Variants in MGLL observed in about 807,000 individuals in gnomAD.
MGLL encodes lysophospholipase homolog.
Under a neutral mutation model 29.1 loss-of-function variants are expected in MGLL, and 7 were observed. The ratio of observed to expected loss-of-function variants is 0.24; its 90% CI spans 0.14 to 0.45. The LOEUF (loss-of-function observed/expected upper bound fraction) is 0.45, where lower values mean the gene tolerates loss of function less well. Among genes scored for constraint, MGLL ranks in the 20% least tolerant of loss-of-function variants. MGLL has a pLI of 0.99. For synonymous variants in MGLL, 148 were observed against 168.3 expected (o/e 0.88, Z 0.93); for missense variants, 356 against 413.6 (o/e 0.86, Z 1.21).
rs187829466 is a variant in MGLL at position 127,763,189 on chromosome 3, C to T, written c.262+18600G>A. Among the ~76,000 whole-genome samples, 17 of 151,878 alleles carry T rather than the reference C, an allele frequency of 1.1e-4. No individual in the cohort carries two copies. In the East Asian group the frequency reaches 1.8e-3, roughly 16 times the overall value. On this transcript the variant is annotated intron_variant, in intron 3 of 7. Coordinates refer to ENST00000265052, the MANE Select transcript of MGLL (RefSeq NM_007283.7). ...GTGGATTCATAGGATGTCAGGTGTG[C>T]GGTGAGTGTGCAGGCTGCCCCAGCA... is the stretch of plus-strand genomic sequence containing the variant.
At chr3:127,739,220 G>T (rs1202676984) in intron 3 of MGLL, among the ~76,000 whole-genome samples, 1 of 152,324 alleles carries the variant, frequency 6.6e-6, no homozygotes, top group East Asian at 1.9e-4. Context: ...TCCACCACAG[G>T]GAGGCCTCTT....
At chr3:127,733,044 A>G (rs577289087) in intron 3 of MGLL, among the ~76,000 whole-genome samples, 1 of 152,304 alleles carries the variant, frequency 6.6e-6, no homozygotes, top group East Asian at 1.9e-4. Context: ...GCATTCCCAG[A>G]CGGTTGAGGT....
Position 127,750,377 on chromosome 3 carries a change from C to T in MGLL, c.263-27811G>A, listed in dbSNP as rs1026892034. On this transcript the variant is annotated intron_variant, in intron 3 of 7. Coordinates refer to ENST00000265052, the MANE Select transcript of MGLL (RefSeq NM_007283.7). ...GGCAGGCCACGTGCCTCTTCATCTGCGCAGCCAAGGAGACGGTCTCCACAT... is the reference window on the plus strand; with the variant it reads ...GGCAGGCCACGTGCCTCTTCATCTGTGCAGCCAAGGAGACGGTCTCCACAT... 3.9e-5 allele frequency among the ~76,000 whole-genome samples: 6 copies of T among 152,282 alleles called. No homozygotes were observed. In the East Asian group the frequency reaches 7.7e-4, roughly 20 times the overall value.
chr3:127,707,123 G>A (rs1015484359), intron 6 of MGLL, among the ~76,000 whole-genome samples: 3 of 152,174 alleles, frequency 2.0e-5, no homozygotes, highest in African/African-American at 7.2e-5. Context: ...TAGCAGATGC[G>A]CAGGAAGGGC....
intron 5 of MGLL, among the ~76,000 whole-genome samples, chr3:127,718,271 T>C (rs2075854249): frequency 6.6e-6 from 1 of 152,122 alleles, no homozygotes; most frequent in African/African-American, 2.4e-5. Context: ...GCTGGGAAAC[T>C]GTTGAATGGC....
chr3:127,706,934 C>T (rs1439139814), intron 6 of MGLL, among the ~76,000 whole-genome samples: 3 of 152,132 alleles, frequency 2.0e-5, no homozygotes, highest in Non-Finnish European at 1.5e-5. Context: ...CTTCCGAGGG[C>T]CTCTGGGCAG....
intron 6 of MGLL, among the ~76,000 whole-genome samples, chr3:127,695,981 C>T (rs914999541): frequency 6.6e-6 from 1 of 152,168 alleles, no homozygotes; most frequent in African/African-American, 2.4e-5. Flanking sequence ...AGCGAGGGCC[C>T]ATGCTAGGAG....
intron 6 of MGLL, among the ~76,000 whole-genome samples, chr3:127,706,970 AG>A (rs564852329): frequency 1.8e-3 from 273 of 152,300 alleles, no homozygotes; most frequent in African/African-American, 6.1e-3. Flanking sequence ...GGCAGGCAAC[AG>A]GGGGACCTGG....
At chr3:127,822,111 AG>A (rs1221153628) in intron 1 of MGLL, 197 bp downstream of exon 1, 29 of 688,578 alleles carry the variant, frequency 4.2e-5, no homozygotes, top group Admixed American at 9.1e-5. Context: ...AAATCATTTC[AG>A]GAAACTTCAT....
chr3:127,789,913 C>A (rs894796081), intron 2 of MGLL, among the ~76,000 whole-genome samples: 15 of 152,186 alleles, frequency 9.9e-5, no homozygotes, highest in Non-Finnish European at 1.3e-4. Context: ...ACTTTGCATC[C>A]AGCATATTTT....
chr3:127,692,942 C>G (rs1009580860), intron 7 of MGLL, among the ~76,000 whole-genome samples: 5 of 152,190 alleles, frequency 3.3e-5, no homozygotes, highest in Admixed American at 2.0e-4. Flanking sequence ...CTTGGCTGTG[C>G]CCTCCTTCAC....
In MGLL at chr3:127,716,788, C is replaced by T. The variant is rs183110192; in HGVS notation, c.510+4265G>A. Among the ~76,000 whole-genome samples, 107 of 152,344 alleles carry T rather than the reference C, an allele frequency of 7.0e-4. No individual in the cohort carries two copies. The East Asian group carries it at 0.015, about 21-fold the overall frequency. On this transcript the variant is annotated intron_variant, in intron 5 of 7. Transcript: ENST00000265052. ...GTGCGCAGGAGGCTAGGACTCCCCA[C>T]CTTCCGTGGGACAGCACTATGACAA...
In MGLL at chr3:127,689,924, G is replaced by A. The variant is rs1559897362; in HGVS notation, c.*2274C>T. On this transcript the variant is annotated 3_prime_UTR_variant, in exon 8 of 8. Coordinates refer to ENST00000265052, the MANE Select transcript of MGLL (RefSeq NM_007283.7). Reference sequence around the variant, plus strand: ...AGGAAAGTTTTTATTTTAAATATTGGTGATTCTTTAACCAGGAATGCAAAT... The same window carrying A: ...AGGAAAGTTTTTATTTTAAATATTGATGATTCTTTAACCAGGAATGCAAAT... 2 of 152,158 alleles carry A rather than the reference G, an allele frequency of 1.3e-5. No homozygotes were observed. The highest frequency in any genetic ancestry group is 2.1e-4 in the South Asian group (1 of 4,824). 9.4% of individuals were successfully genotyped at this position (152,158 alleles called of 1,614,324 possible).
chr3:127,741,331 A>G (rs1401363705), intron 3 of MGLL, among the ~76,000 whole-genome samples: 2 of 152,180 alleles, frequency 1.3e-5, no homozygotes, highest in Admixed American at 1.3e-4. Context: ...TGGGGGGGAA[A>G]GTGGACCTGT....
At chr3:127,784,538 G>T (rs1167358560) in intron 2 of MGLL, among the ~76,000 whole-genome samples, 1 of 152,138 alleles carries the variant, frequency 6.6e-6, no homozygotes, top group African/African-American at 2.4e-5. Context: ...AGATATAGCC[G>T]TCCCACTGCA....
chr3:127,716,764 T>C (rs1413266994), intron 5 of MGLL, among the ~76,000 whole-genome samples: 2 of 152,212 alleles, frequency 1.3e-5, no homozygotes, highest in Non-Finnish European at 2.9e-5. Flanking sequence ...GGCTGACCTG[T>C]GCGCAGGAGG....
At chr3:127,705,171 T>C (rs1428127242) in intron 6 of MGLL, among the ~76,000 whole-genome samples, 1 of 148,992 alleles carries the variant, frequency 6.7e-6, no homozygotes, top group African/African-American at 2.5e-5. Context: ...AGCTGAACAA[T>C]GAGAACATAT....
chr3:127,814,000 C>CTCCT (rs891534945), intron 2 of MGLL, among the ~76,000 whole-genome samples: 9 of 151,560 alleles, frequency 5.9e-5, no homozygotes, highest in African/African-American at 1.9e-4. Flanking sequence ...TCTTCTCTCC[C>CTCCT]TCCTTCCTTC....
chr3:127,737,708 A>G (rs2076269039), intron 3 of MGLL, among the ~76,000 whole-genome samples: 1 of 128,006 alleles, frequency 7.8e-6, no homozygotes, highest in Non-Finnish European at 1.5e-5. Flanking sequence ...GCAATGGCGC[A>G]ATCTTGGCTC....
Sources: allele counts gnomAD v4.1 joint callset (sites outside exome capture counted in the v4.1 genomes callset), GRCh38; gene constraint gnomAD v4.1.1; transcripts MANE v1.5; gene names NCBI Gene and HGNC (gene_info 2026-07-23, HGNC 2026-07-21).